MCM3: variants seen among roughly 807,000 people sequenced by gnomAD.
MCM3 encodes DNA replication licensing factor MCM3.
A neutral mutation model predicts 91.3 loss-of-function variants in MCM3; 59 were observed. The ratio of observed to expected loss-of-function variants is 0.65; its 90% CI spans 0.52 to 0.80. MCM3 has a LOEUF of 0.80. Ranked by LOEUF, MCM3 falls within the 30% of genes least tolerant of loss-of-function variation. The probability of loss-of-function intolerance (pLI) is 0.00; values close to 1 mark genes in which losing one functional copy is unlikely to be tolerated. For synonymous variants in MCM3, 383 were observed against 379.6 expected (o/e 1.01, Z -0.10); for missense variants, 919 against 1,035.4 (o/e 0.89, Z 1.54).
chr6:52,269,454 G>A (rs868341095), intron 12 of MCM3, among the ~76,000 whole-genome samples: 1 of 152,190 alleles, frequency 6.6e-6, no homozygotes. Flanking sequence ...AGTGAACAGG[G>A]AAGATTAGGC....
intron 9 of MCM3, among the ~76,000 whole-genome samples, chr6:52,275,354 A>C (rs190637670): frequency 7.9e-5 from 12 of 152,328 alleles, no homozygotes. Flanking sequence ...CAAGTTACAT[A>C]ATCTTTTGTA....
intron 6 of MCM3, among the ~76,000 whole-genome samples, chr6:52,277,928 C>T (rs746539718): frequency 1.5e-3 from 226 of 151,708 alleles, no homozygotes; most frequent in African/African-American, 5.0e-3. Context: ...ATTAGCCAGG[C>T]GTGGTGGTGT....
intron 12 of MCM3, among the ~76,000 whole-genome samples, chr6:52,272,005 A>G (rs1765177022): frequency 6.6e-6 from 1 of 152,110 alleles, no homozygotes; most frequent in African/African-American, 2.4e-5. Flanking sequence ...TTAATTTTAC[A>G]TTGCTTGTAA....
chr6:52,278,026 C>G (rs538542975), intron 6 of MCM3, among the ~76,000 whole-genome samples: 2 of 128,446 alleles, frequency 1.6e-5, no homozygotes, highest in African/African-American at 2.9e-5. Flanking sequence ...AGAGATCGCA[C>G]CATTGCACTC....
At chr6:52,268,701 A>G (rs1301163291) in intron 13 of MCM3, among the ~76,000 whole-genome samples, 6 of 152,174 alleles carry the variant, frequency 3.9e-5, no homozygotes, top group Non-Finnish European at 7.3e-5. Flanking sequence ...ATTTGAAGAG[A>G]CTACCAAGAG....
chr6:52,267,865 C>G lies in MCM3; in HGVS notation c.2072G>C (p.Arg691Thr). ...ATCTCATTTGCTTGCCCCACCTTAC[C>G]TCTTCCTCTTCTGCTCCTGGTCCTC... ...SQEDQEQKRK[R>T]RKTRQPDAKD... Residue 691 changes from arginine to threonine, a missense_variant and splice_region_variant, in exon 14 of 17, where the codon AGA becomes ACA. Around this residue, in one of 3 missense-constraint regions of MCM3, gnomAD observed 285 missense variants for 311.4 expected, o/e 0.92. Transcript: ENST00000596288. 1 of 1,050,260 alleles carries G rather than the reference C, an allele frequency of 9.5e-7. No individual in the cohort carries two copies. Among genetic ancestry groups the G allele is most frequent in the Non-Finnish European group, 1.5e-6 (1 of 683,824 alleles). 65.1% of individuals were successfully genotyped at this position (1,050,260 alleles called of 1,614,324 possible).
intron 10 of MCM3, 47 bp downstream of exon 10, chr6:52,273,695 G>A (rs1433418309): frequency 2.6e-6 from 4 of 1,558,808 alleles, no homozygotes; most frequent in Non-Finnish European, 3.5e-6. Context: ...ACTACCATCT[G>A]TTTAGCGCCT....
chr6:52,267,962 C>T lies in MCM3; in HGVS notation c.1975G>A (p.Glu659Lys). ...CGCTTCTTACGTTTCTTCTCCTTCT[C>T]CAGAACCTAAGACCAAGGCAAGTGT... ...VQYAYFKKVL[E>K]KEKKRKKRSE... is the part of the protein sequence containing the mutation. Residue 659 changes from glutamate (E) to lysine (K), a missense_variant, in exon 14 of 17, where the codon GAG becomes AAG. This residue lies in a region of MCM3 where 285 missense variants were observed against 311.4 expected (regional missense o/e 0.92). Coordinates refer to ENST00000596288, the MANE Select transcript of MCM3 (RefSeq NM_002388.6). 2 of 1,613,764 alleles carry T rather than the reference C, an allele frequency of 1.2e-6. No homozygotes were observed. Among genetic ancestry groups the T allele is most frequent in the Non-Finnish European group, 1.7e-6 (2 of 1,179,702 alleles).
At position 52,284,727 on chromosome 6, in the gene MCM3, G is replaced by A. The variant is rs915311652; in HGVS notation, c.-53C>T. On this transcript the variant is annotated 5_prime_UTR_variant, in exon 1 of 17. Coordinates refer to ENST00000596288, the MANE Select transcript of MCM3 (RefSeq NM_002388.6). The stretch of plus-strand genomic sequence containing the variant: ...AAAGTCGCGTGGAGGTTCCCAGGAT[G>A]ACTCCACCCCGGCGCGAAAACTTCC... 9 of 1,570,024 alleles carry A rather than the reference G, an allele frequency of 5.7e-6. No individual in the cohort carries two copies. In the African/African-American group the frequency reaches 1.1e-4, roughly 19 times the overall value.
intron 14 of MCM3, among the ~76,000 whole-genome samples, chr6:52,267,170 C>T (rs927778022): frequency 3.6e-5 from 5 of 140,228 alleles, no homozygotes; most frequent in Non-Finnish European, 7.6e-5. Flanking sequence ...GTGATCTCCA[C>T]TCACTGCAAG....
chr6:52,281,034 T>C (rs1231396640), intron 4 of MCM3, among the ~76,000 whole-genome samples: 2 of 152,228 alleles, frequency 1.3e-5, no homozygotes, highest in African/African-American at 4.8e-5. Context: ...TTGAATACAG[T>C]AGTTCTCAAT....
intron 6 of MCM3, among the ~76,000 whole-genome samples, chr6:52,278,070 C>CAAAAAAAAAAAAAAAA (rs61625257): frequency 5.1e-5 from 2 of 38,962 alleles, no homozygotes; most frequent in Non-Finnish European, 8.2e-5. Flanking sequence ...TCCGTCTCAC[C>CAAAAAAAAAAAAAAAA]AAAAAAAAAA....
At chr6:52,271,924 G>A (rs1765168644) in intron 12 of MCM3, among the ~76,000 whole-genome samples, 1 of 152,004 alleles carries the variant, frequency 6.6e-6, no homozygotes. Flanking sequence ...TTATAAATAT[G>A]TACGGAAGTC....
At chr6:52,276,926 A>G in intron 8 of MCM3, 141 bp downstream of exon 8, 1 of 902,442 alleles carries the variant, frequency 1.1e-6, no homozygotes, top group Non-Finnish European at 1.7e-6. Flanking sequence ...TAATTCACCC[A>G]CCATTGCTGA....
chr6:52,269,106 G>A lies in MCM3; in HGVS notation c.1948C>T (p.Gln650Ter). ...QDAEEAVELV[Q>*]YAYFKKVLEK... ...CTCACCTTCTTAAAGTAAGCATACT[G>A]GACCAACTCCACAGCTTCCTCTGCA... The change falls in exon 13 of 17, where the codon CAG becomes TAG. Residue 650 changes from glutamine (Q) to a stop codon, truncating the protein, a stop_gained. Coordinates refer to ENST00000596288, the MANE Select transcript of MCM3 (RefSeq NM_002388.6). LOFTEE classifies it high-confidence loss of function. 1 of 1,613,706 alleles carries A rather than the reference G, an allele frequency of 6.2e-7. No homozygotes were observed. The highest frequency in any genetic ancestry group is 8.5e-7 in the Non-Finnish European group (1 of 1,179,688).
At chr6:52,284,519 C>A (rs1428769957) in intron 1 of MCM3, 78 bp downstream of exon 1, 7 of 1,358,318 alleles carry the variant, frequency 5.2e-6, no homozygotes, top group South Asian at 1.3e-5. Context: ...GGAGGTCTGG[C>A]GGGCCTCTGG....
At chr6:52,284,501 C>G in intron 1 of MCM3, 96 bp downstream of exon 1, 2 of 1,136,960 alleles carry the variant, frequency 1.8e-6, no homozygotes, top group Non-Finnish European at 2.5e-6. Flanking sequence ...CGCTGCGGCA[C>G]ACGGTCTGGA....
At chr6:52,265,217 A>G (rs1247136950) in intron 16 of MCM3, 1 of 372,006 alleles carries the variant, frequency 2.7e-6, no homozygotes, top group African/African-American at 2.2e-5. Context: ...ATTTCATTAA[A>G]TTTTTACCCA....
chr6:52,264,582 G>T lies in MCM3; in HGVS notation c.*6C>A. ...GGCACAACCCAAGTTCAGAGACGAGGCCTCCTCAGATGAGGAAGATGATGC... is the reference window on the plus strand; with the variant it reads ...GGCACAACCCAAGTTCAGAGACGAGTCCTCCTCAGATGAGGAAGATGATGC... On this transcript the variant is annotated 3_prime_UTR_variant, in exon 17 of 17. Coordinates refer to ENST00000596288, the MANE Select transcript of MCM3 (RefSeq NM_002388.6). 1 of 1,613,244 alleles carries T rather than the reference G, an allele frequency of 6.2e-7. No homozygotes were observed. The highest frequency in any genetic ancestry group is 8.5e-7 in the Non-Finnish European group (1 of 1,179,200).
Sources: gnomAD v4.1 joint callset for allele counts (sites outside exome capture counted in the v4.1 genomes callset) on GRCh38, gnomAD v4.1.1 for gene constraint, gnomAD v4.1.1 regional missense constraint, MANE v1.5 for transcripts, NCBI Gene and HGNC (gene_info 2026-07-23, HGNC 2026-07-21) for gene names.